PADI3: variants seen among roughly 807,000 people sequenced by gnomAD.
PADI3 encodes protein-arginine deiminase type-3.
PADI3 carries 53 observed loss-of-function variants against 71.5 expected under a neutral mutation model. That is an observed-to-expected ratio of 0.74 (90% CI 0.59 to 0.93). PADI3 has a LOEUF of 0.93. Ranked by LOEUF, PADI3 falls within the 40% of genes least tolerant of loss-of-function variation. The probability of loss-of-function intolerance (pLI) is 0.00; values close to 1 mark genes in which losing one functional copy is unlikely to be tolerated. For synonymous variants in PADI3, 361 were observed against 347.5 expected, an observed-to-expected ratio of 1.04 and a Z score of -0.43; for missense variants, 821 against 868.0, an observed-to-expected ratio of 0.95 and a Z score of 0.68.
At position 17,283,181 on chromosome 1, in the gene PADI3, G is replaced by A. The variant is rs1424013326; in HGVS notation, c.*102G>A. On this transcript the variant is annotated 3_prime_UTR_variant, in exon 16 of 16. Coordinates refer to ENST00000375460, the MANE Select transcript of PADI3 (RefSeq NM_016233.2). The stretch of plus-strand genomic sequence containing the variant: ...ACGATAAGCACCAAGAGACCCCAAG[G>A]CTCCAGATGGAACACTGAGGGTGAC... 3.5e-6 allele frequency: 3 copies of A among 862,872 alleles called. No homozygotes were observed. Among genetic ancestry groups the A allele is most frequent in the Non-Finnish European group, 5.5e-6 (3 of 542,536 alleles). The allele number at this position is 862,872 out of a possible 1,614,324, so 53.5% of individuals were successfully genotyped here.
intron 10 of PADI3, among the ~76,000 whole-genome samples, chr1:17,274,304 A>C (rs985740648): frequency 1.3e-5 from 2 of 152,238 alleles, no homozygotes; most frequent in Non-Finnish European, 2.9e-5. Context: ...CTGAACTTGC[A>C]GGAAGGCTGT....
chr1:17,273,721 A>G (rs773825228), intron 10 of PADI3, among the ~76,000 whole-genome samples: 1 of 152,178 alleles, frequency 6.6e-6, no homozygotes, highest in Non-Finnish European at 1.5e-5. Context: ...TTAATTGGGC[A>G]TCCTGTATTT....
chr1:17,282,487 G>C (rs2073414013), intron 15 of PADI3, among the ~76,000 whole-genome samples: 1 of 152,174 alleles, frequency 6.6e-6, no homozygotes, highest in South Asian at 2.1e-4. Context: ...CAAATTCCTG[G>C]GAGAGGGACT....
intron 1 of PADI3, among the ~76,000 whole-genome samples, chr1:17,255,804 C>T (rs2073020041): frequency 6.6e-6 from 1 of 152,146 alleles, no homozygotes; most frequent in Non-Finnish European, 1.5e-5. Flanking sequence ...TCATCTTCTC[C>T]TCATCCCCAC....
chr1:17,270,909 A>G lies in PADI3; in HGVS notation c.862A>G (p.Thr288Ala), dbSNP rs758872744. Residue 288 changes from threonine (T) to alanine (A), a missense_variant, in exon 8 of 16, where the codon ACT (threonine) becomes GCT (alanine). By Grantham distance (58) the Thr-to-Ala change is moderately conservative. Coordinates refer to ENST00000375460, the MANE Select transcript of PADI3 (RefSeq NM_016233.2). ...CTCGGCATCCCCTATCTTCACTGAC[A>G]CTGTGGTGTTCCGAGTGGCACCCTG... ...DFSASPIFTD[T>A]VVFRVAPWIM... The G allele has an allele frequency of 3.8e-5, 62 of 1,613,654 alleles. No individual in the cohort carries two copies. Among genetic ancestry groups the G allele is most frequent in the Non-Finnish European group, 4.4e-5 (52 of 1,179,908 alleles).
At chr1:17,264,889 T>C (rs2073146296) in intron 3 of PADI3, among the ~76,000 whole-genome samples, 1 of 151,624 alleles carries the variant, frequency 6.6e-6, no homozygotes, top group African/African-American at 2.4e-5. Flanking sequence ...CATGCACCAG[T>C]AGTCCCAGCC....
At chr1:17,276,959 G>T in intron 13 of PADI3, 83 bp downstream of exon 13, 1 of 1,216,258 alleles carries the variant, frequency 8.2e-7, no homozygotes. Flanking sequence ...AGAGGGGGAG[G>T]GCAAGTTTTA....
intron 1 of PADI3, among the ~76,000 whole-genome samples, chr1:17,256,081 C>T (rs1048199771): frequency 2.0e-5 from 3 of 152,194 alleles, no homozygotes; most frequent in Non-Finnish European, 4.4e-5. Context: ...ACACCTTCCC[C>T]TCACTTGTGT....
chr1:17,251,850 C>T (rs1306746707), intron 1 of PADI3, among the ~76,000 whole-genome samples: 2 of 152,176 alleles, frequency 1.3e-5, no homozygotes, highest in African/African-American at 2.4e-5. Context: ...CCCAAACCTG[C>T]CATATGCAGG....
At chr1:17,250,968 C>A (rs1483314409) in intron 1 of PADI3, among the ~76,000 whole-genome samples, 3 of 152,228 alleles carry the variant, frequency 2.0e-5, no homozygotes, top group Non-Finnish European at 4.4e-5. Context: ...ATCGGTGGGA[C>A]AGCCACAGGG....
Position 17,260,656 on chromosome 1 carries a change from C to A in PADI3, c.273+898C>A, listed in dbSNP as rs1356579010. ...GGGCAGTCTCCCTCCATCACCCCCA[C>A]CTCTGTTCCCAGCCATGCATCCATG... On this transcript the variant is annotated intron_variant, in intron 2 of 15. Coordinates refer to ENST00000375460, the MANE Select transcript of PADI3 (RefSeq NM_016233.2). Among the ~76,000 whole-genome samples the A allele has an allele frequency of 3.3e-5, 5 of 152,214 alleles. No homozygotes were observed. The East Asian group carries it at 9.6e-4, about 29-fold the overall frequency.
At chr1:17,267,023 G>A (rs989802200) in intron 5 of PADI3, among the ~76,000 whole-genome samples, 187 bp downstream of exon 5, 3 of 152,136 alleles carry the variant, frequency 2.0e-5, no homozygotes, top group South Asian at 2.1e-4. Flanking sequence ...TGTCTCTAGG[G>A]CCAGTGAGCA....
intron 1 of PADI3, among the ~76,000 whole-genome samples, chr1:17,253,643 A>G (rs891842288): frequency 2.0e-5 from 3 of 152,020 alleles, no homozygotes; most frequent in African/African-American, 7.2e-5. Flanking sequence ...ACCTGATTCA[A>G]CTCATCTGTG....
intron 13 of PADI3, among the ~76,000 whole-genome samples, chr1:17,277,287 C>T (rs886546314): frequency 4.6e-5 from 7 of 152,082 alleles, no homozygotes; most frequent in Non-Finnish European, 7.4e-5. Context: ...CTCCGCCTCC[C>T]AAGTTCAAGC....
intron 6 of PADI3, among the ~76,000 whole-genome samples, chr1:17,268,758 C>T (rs985575102): frequency 8.6e-5 from 13 of 151,966 alleles, no homozygotes; most frequent in Non-Finnish European, 1.8e-4. Context: ...CTGCCCGCCT[C>T]GGCCTCCCAA....
chr1:17,259,830 A>G (rs1267242884), intron 2 of PADI3, 72 bp downstream of exon 2: 6 of 1,354,160 alleles, frequency 4.4e-6, no homozygotes, highest in Non-Finnish European at 1.0e-6. Flanking sequence ...AGGGCCCAAC[A>G]TTCTCTTTCT....
rs375373700 is a variant in PADI3 at position 17,259,753 on chromosome 1, A to G, written c.268A>G (p.Ser90Gly). The G allele has an allele frequency of 9.4e-6, 15 of 1,598,834 alleles. No individual in the cohort carries two copies. Among genetic ancestry groups the G allele is most frequent in the Middle Eastern group, 1.7e-4 (1 of 6,002 alleles). Residue 90 changes from serine (S) to glycine (G), a missense_variant, in exon 2 of 16, where the codon AGC (serine) becomes GGC (glycine). Ser to Gly is a moderately conservative substitution (Grantham distance 56, BLOSUM62 0). Transcript: ENST00000375460. ...MNSPSNDLND[S>G]HVQISYHSSH... is the part of the protein sequence containing the mutation. The stretch of plus-strand genomic sequence containing the variant: ...CTCCCCCAGCAATGACCTCAACGAC[A>G]GCCATGTGAGCTGGTCCCTGGTGGG...
intron 7 of PADI3, 73 bp downstream of exon 7, chr1:17,270,484 A>AT (rs2073232774): frequency 8.0e-7 from 1 of 1,247,290 alleles, no homozygotes; most frequent in Non-Finnish European, 1.1e-6. Context: ...CCCCATCTCT[A>AT]CAAAAAAAAA....
intron 2 of PADI3, among the ~76,000 whole-genome samples, chr1:17,260,132 T>A (rs1279035284): frequency 6.6e-6 from 1 of 152,108 alleles, no homozygotes; most frequent in Non-Finnish European, 1.5e-5. Context: ...TCCCCACATG[T>A]AGGCTGAGGG....
Sources: gnomAD v4.1 joint callset for allele counts (sites outside exome capture counted in the v4.1 genomes callset) on GRCh38, gnomAD v4.1.1 for gene constraint, MANE v1.5 for transcripts, NCBI Gene and HGNC (gene_info 2026-07-23, HGNC 2026-07-21) for gene names.